DLGAP2: variants seen among roughly 807,000 people sequenced by gnomAD.
The protein encoded by DLGAP2 is DLG associated protein 2.
In DLGAP2, 26 loss-of-function variants were observed where a neutral mutation model predicts 100.3. That is an observed-to-expected ratio of 0.26 (90% confidence interval 0.19 to 0.36). The LOEUF is 0.36. Ranked by LOEUF, DLGAP2 falls within the 10% of genes least tolerant of loss-of-function variation. DLGAP2 has a pLI of 1.00. For synonymous variants in DLGAP2, 886 were observed against 630.1 expected (o/e 1.41, Z -6.08); for missense variants, 1,858 against 1,453.2 (o/e 1.28, Z -4.53).
intron 3 of DLGAP2, among the ~76,000 whole-genome samples, chr8:1,311,530 A>G (rs946522068): frequency 2.0e-5 from 3 of 152,220 alleles, no homozygotes; most frequent in African/African-American, 7.2e-5. Flanking sequence ...AATTTTCCAC[A>G]GAATACCAGC....
intron 7 of DLGAP2, among the ~76,000 whole-genome samples, chr8:1,628,260 C>T (rs1373900267): frequency 5.2e-5 from 7 of 135,660 alleles, no homozygotes; most frequent in African/African-American, 1.2e-4. Flanking sequence ...GATTAAGAGC[C>T]TGAGCTGACC....
intron 2 of DLGAP2, among the ~76,000 whole-genome samples, chr8:1,220,793 G>T (rs528269484): frequency 6.4e-4 from 98 of 152,246 alleles, no homozygotes; most frequent in Non-Finnish European, 1.2e-3. Flanking sequence ...CTAGCATTGG[G>T]TGCCTATATA....
chr8:1,600,336 G>A (rs933923068), intron 6 of DLGAP2, among the ~76,000 whole-genome samples: 4 of 152,028 alleles, frequency 2.6e-5, no homozygotes, highest in Admixed American at 6.6e-5. Context: ...TGGTGAATCC[G>A]ACGATTATGT....
At chr8:1,105,682 A>C (rs1291494313) in intron 2 of DLGAP2, among the ~76,000 whole-genome samples, 1 of 143,280 alleles carries the variant, frequency 7.0e-6, no homozygotes, top group Admixed American at 7.1e-5. Flanking sequence ...GGGCCATTCT[A>C]GGATGGTTTT....
intron 3 of DLGAP2, among the ~76,000 whole-genome samples, chr8:1,349,895 T>A (rs1221306647): frequency 2.6e-5 from 4 of 152,234 alleles, no homozygotes; most frequent in African/African-American, 9.6e-5. Flanking sequence ...TTATCTTTGT[T>A]TAATATTGAA....
chr8:1,332,790 T>A (rs1475602506), intron 3 of DLGAP2, among the ~76,000 whole-genome samples: 1 of 152,180 alleles, frequency 6.6e-6, no homozygotes, highest in African/African-American at 2.4e-5. Flanking sequence ...TCTAGGGTCC[T>A]GGACCATTCA....
intron 2 of DLGAP2, among the ~76,000 whole-genome samples, chr8:1,242,395 C>A (rs1017086606): frequency 1.3e-5 from 2 of 152,250 alleles, no homozygotes; most frequent in African/African-American, 2.4e-5. Flanking sequence ...GGCCCCACAT[C>A]ACCAGCCAGG....
chr8:1,250,626 C>T (rs767863706), intron 2 of DLGAP2: 9 of 152,246 alleles, frequency 5.9e-5, no homozygotes, highest in Admixed American at 1.3e-4. Flanking sequence ...GACGCGTTCC[C>T]TCCCTGTCTG....
At chr8:1,518,959 G>A (rs986725231) in intron 4 of DLGAP2, among the ~76,000 whole-genome samples, 3 of 152,126 alleles carry the variant, frequency 2.0e-5, no homozygotes, top group Admixed American at 6.5e-5. Context: ...CTGCTTGGAG[G>A]GTCCTGTCCA....
At chr8:1,074,206 G>C (rs1171858358) in intron 2 of DLGAP2, among the ~76,000 whole-genome samples, 1 of 149,116 alleles carries the variant, frequency 6.7e-6, no homozygotes, top group Non-Finnish European at 1.5e-5. Context: ...GCAGACTGAA[G>C]CTGAACTCAC....
chr8:1,672,086 G>A (rs538177108), intron 10 of DLGAP2, among the ~76,000 whole-genome samples: 2 of 152,308 alleles, frequency 1.3e-5, no homozygotes, highest in East Asian at 3.9e-4. Context: ...GGGAACTCTG[G>A]GAAATGTTTA....
chr8:904,580 C>G (rs868653076), intron 1 of DLGAP2, among the ~76,000 whole-genome samples: 109 of 152,306 alleles, frequency 7.2e-4, no homozygotes, highest in African/African-American at 2.6e-3. Flanking sequence ...CCCGGGGGTG[C>G]TTCTTCTCCA....
At chr8:936,252 C>T (rs1799068461) in intron 2 of DLGAP2, among the ~76,000 whole-genome samples, 1 of 152,134 alleles carries the variant, frequency 6.6e-6, no homozygotes, top group African/African-American at 2.4e-5. Context: ...TTGACTGCTC[C>T]CATCAAGAAA....
chr8:1,147,250 A>T (rs1276760955), intron 2 of DLGAP2, among the ~76,000 whole-genome samples: 1 of 152,074 alleles, frequency 6.6e-6, no homozygotes, highest in Non-Finnish European at 1.5e-5. Context: ...TGTAAACTTT[A>T]TGTGCGTCAA....
intron 3 of DLGAP2, among the ~76,000 whole-genome samples, chr8:1,292,412 G>T (rs1476918701): frequency 1.3e-5 from 2 of 152,208 alleles, no homozygotes. Flanking sequence ...CCTCCAGTTG[G>T]AGGATGGGAC....
At chr8:1,507,611 G>A (rs114747264) in intron 4 of DLGAP2, among the ~76,000 whole-genome samples, 4,259 of 152,268 alleles carry the variant, frequency 0.028, 202 homozygotes, top group African/African-American at 0.088. Context: ...AGTGGGCGCC[G>A]AGGCGGAGGA....
intron 3 of DLGAP2, among the ~76,000 whole-genome samples, chr8:1,487,715 A>G (rs1425391994): frequency 6.6e-6 from 1 of 152,204 alleles, no homozygotes; most frequent in Admixed American, 6.5e-5. Flanking sequence ...CCCGCAGGCC[A>G]GGTCCCACCT....
intron 2 of DLGAP2, among the ~76,000 whole-genome samples, chr8:1,090,925 G>T (rs540945573): frequency 6.6e-6 from 1 of 152,172 alleles, no homozygotes; most frequent in Non-Finnish European, 1.5e-5. Flanking sequence ...TATTCCAGTG[G>T]CTTGGAGTAC....
intron 1 of DLGAP2, among the ~76,000 whole-genome samples, chr8:785,371 A>ACCTCATGCC (rs1313215921): frequency 6.7e-6 from 1 of 149,418 alleles, no homozygotes; most frequent in African/African-American, 2.5e-5. Context: ...GGGCCCCTGC[A>ACCTCATGCC]CCTCATGCCC....
Sources: gnomAD v4.1 joint callset for allele counts (sites outside exome capture counted in the v4.1 genomes callset) on GRCh38, gnomAD v4.1.1 for gene constraint, MANE v1.5 for transcripts, NCBI Gene and HGNC (gene_info 2026-07-23, HGNC 2026-07-21) for gene names.